The following EXOC2 variants were observed in gnomAD, a reference collection of about 807,000 sequenced individuals.
EXOC2 encodes exocyst complex component 2.
EXOC2 carries 70 observed loss-of-function variants against 131.8 expected under a neutral mutation model. The observed-to-expected ratio is 0.53, with a 90% CI of 0.44 to 0.65. The LOEUF (loss-of-function observed/expected upper bound fraction) is 0.65. EXOC2 is among the 30% of genes least tolerant of loss of function. The pLI, the probability that EXOC2 is intolerant of heterozygous loss-of-function variation, is 0.00. For missense variants in EXOC2, 923 were observed against 1,108.6 expected, an observed-to-expected ratio of 0.83 and a Z score of 2.38; for synonymous variants, 411 against 398.4, an observed-to-expected ratio of 1.03 and a Z score of -0.38.
intron 1 of EXOC2, among the ~76,000 whole-genome samples, chr6:677,934 TCA>T (rs1554150218): frequency 0.018 from 2,717 of 147,256 alleles, 39 homozygotes; most frequent in African/African-American, 0.034. Context: ...TTATAATCTC[TCA>T]CACACACACA....
intron 1 of EXOC2, among the ~76,000 whole-genome samples, chr6:682,552 C>A (rs1429189030): frequency 6.6e-6 from 1 of 152,068 alleles, no homozygotes; most frequent in Non-Finnish European, 1.5e-5. Flanking sequence ...TAACTATAAC[C>A]ATCATTTATC....
intron 12 of EXOC2, 122 bp downstream of exon 12, chr6:576,635 G>GA (rs1232746409): frequency 9.0e-7 from 1 of 1,110,756 alleles, no homozygotes; most frequent in Non-Finnish European, 1.3e-6. Context: ...CAAAAGCGAT[G>GA]ATGGCTGATA....
At chr6:495,023 C>T (rs929654565) in intron 25 of EXOC2, among the ~76,000 whole-genome samples, 4 of 151,410 alleles carry the variant, frequency 2.6e-5, no homozygotes, top group Admixed American at 2.0e-4. Flanking sequence ...GGACCACAGG[C>T]ACACAGCACC....
At chr6:522,123 T>C (rs1192152212) in intron 23 of EXOC2, among the ~76,000 whole-genome samples, 2 of 152,212 alleles carry the variant, frequency 1.3e-5, no homozygotes, top group Admixed American at 1.3e-4. Context: ...TGGCTAATCA[T>C]GGATACAGAG....
At chr6:516,408 C>A (rs910580302) in intron 23 of EXOC2, among the ~76,000 whole-genome samples, 1 of 152,224 alleles carries the variant, frequency 6.6e-6, no homozygotes, top group Non-Finnish European at 1.5e-5. Flanking sequence ...GCTCGTCTAG[C>A]TCCATCACTG....
At position 497,403 on chromosome 6, in the gene EXOC2, C is replaced by G. The variant is rs773997344; in HGVS notation, c.2523G>C (p.Gln841His). Reference protein sequence around the residue: ...AVSEELSRLMQCVSSFSKNGA... With the variant: ...AVSEELSRLMHCVSSFSKNGA... Reference sequence around the variant, plus strand: ...CATTTTTGCTGAAGGATGAAACACACTGCATCAGTCGACTGAGCTCTTCAG... The same window carrying G: ...CATTTTTGCTGAAGGATGAAACACAGTGCATCAGTCGACTGAGCTCTTCAG... Residue 841 changes from glutamine to histidine, a missense_variant, in exon 25 of 28, where the codon CAG becomes CAC. By Grantham distance (24) the Gln-to-His change is conservative. Coordinates refer to ENST00000230449, the MANE Select transcript of EXOC2 (RefSeq NM_018303.6). 6.2e-7 allele frequency: 1 copy of G among 1,614,054 alleles called. No homozygotes were observed. The highest frequency in any genetic ancestry group is 8.5e-7 in the Non-Finnish European group (1 of 1,179,970).
rs1761174074 is a variant in EXOC2 at position 619,453 on chromosome 6, A to G, written c.513T>C (p.Leu171=). Residue 171 remains leucine, a synonymous_variant, in exon 5 of 28, where the codon CTT becomes CTC. Transcript: ENST00000230449. The part of the protein sequence containing the change: ...TSENFSAAWY[L]IENHSNTSFE... ...ACCTGGTGTTTGAGTGATTCTCTAT[A>G]AGATACCAGGCTGCTGAGAAATTCT... 6.2e-7 allele frequency: 1 copy of G among 1,613,926 alleles called. No individual in the cohort carries two copies. Among genetic ancestry groups the G allele is most frequent in the African/African-American group, 1.3e-5 (1 of 75,060 alleles).
chr6:545,831 G>T (rs76166462), intron 22 of EXOC2, among the ~76,000 whole-genome samples: 1 of 151,890 alleles, frequency 6.6e-6, no homozygotes, highest in African/African-American at 2.4e-5. Context: ...GTATGGGAGA[G>T]GTTAAAAATA....
intron 1 of EXOC2, among the ~76,000 whole-genome samples, chr6:687,177 T>TTC (rs1764699242): frequency 8.5e-6 from 1 of 118,250 alleles, no homozygotes; most frequent in Non-Finnish European, 1.8e-5. Flanking sequence ...TATTCTTTTT[T>TTC]TTTTTTTTTT....
chr6:588,820 C>T (rs1020434040), intron 11 of EXOC2, among the ~76,000 whole-genome samples: 2 of 151,486 alleles, frequency 1.3e-5, no homozygotes, highest in African/African-American at 4.8e-5. Context: ...TTTTCCAAAA[C>T]ACTGATTTTA....
At chr6:529,120 C>A (rs6938144) in intron 23 of EXOC2, among the ~76,000 whole-genome samples, 27,001 of 148,638 alleles carry the variant, frequency 0.18, 3,311 homozygotes, top group East Asian at 0.48. Context: ...CCTTTTACCC[C>A]CCCCCGCGCC....
chr6:498,502 A>C (rs899050143), intron 24 of EXOC2, among the ~76,000 whole-genome samples: 2 of 152,218 alleles, frequency 1.3e-5, no homozygotes, highest in Non-Finnish European at 2.9e-5. Flanking sequence ...TCCTTATAAA[A>C]AGATCTATGT....
chr6:503,140 G>A (rs1041004043), intron 23 of EXOC2, among the ~76,000 whole-genome samples: 20 of 151,440 alleles, frequency 1.3e-4, no homozygotes, highest in Admixed American at 5.3e-4. Flanking sequence ...AAAGCTAATC[G>A]CTGAATTAAA....
At chr6:499,743 CA>C in intron 23 of EXOC2, 43 bp from the exon 24 acceptor site, 1 of 1,534,872 alleles carries the variant, frequency 6.5e-7, no homozygotes, top group Non-Finnish European at 9.0e-7. Flanking sequence ...TTAATAATAA[CA>C]CAAGCTCCCC....
chr6:581,170 C>A (rs1248424556), intron 11 of EXOC2, among the ~76,000 whole-genome samples: 3 of 152,028 alleles, frequency 2.0e-5, no homozygotes, highest in Admixed American at 6.6e-5. Flanking sequence ...GTGGCACATG[C>A]CTGTAGTCCC....
intron 22 of EXOC2, among the ~76,000 whole-genome samples, chr6:545,004 G>A (rs902321794): frequency 6.6e-5 from 10 of 151,540 alleles, no homozygotes; most frequent in African/African-American, 1.7e-4. Flanking sequence ...AAAATTAGCC[G>A]GGCGCAGTGG....
rs531113056 is a variant in EXOC2 at position 608,611 on chromosome 6, C to T, written c.742+1487G>A. 6.3e-4 allele frequency among the ~76,000 whole-genome samples: 96 copies of T among 152,158 alleles called. 2 individuals are homozygous for T. Among genetic ancestry groups the T allele is most frequent in the Middle Eastern group, 6.8e-3 (2 of 292 alleles). ...TGGAAAAAGGCAATTTTTAATACCC[C>T]AAGTCCCAAGGGACGATTTCTCAAA... is the stretch of plus-strand genomic sequence containing the variant. On this transcript the variant is annotated intron_variant, in intron 7 of 27. Coordinates refer to ENST00000230449, the MANE Select transcript of EXOC2 (RefSeq NM_018303.6).
At chr6:642,561 C>T (rs9378990) in intron 1 of EXOC2, among the ~76,000 whole-genome samples, 107,745 of 152,000 alleles carry the variant, frequency 0.71, 38,820 homozygotes, top group Middle Eastern at 0.88. Context: ...AAATGGACCC[C>T]AAGATGAACC....
At chr6:524,642 A>G (rs1360111623) in intron 23 of EXOC2, among the ~76,000 whole-genome samples, 1 of 152,198 alleles carries the variant, frequency 6.6e-6, no homozygotes. Context: ...GTTTGTATAA[A>G]ATTGGTATTA....
Sources: allele counts gnomAD v4.1 joint callset (sites outside exome capture counted in the v4.1 genomes callset), GRCh38; gene constraint gnomAD v4.1.1; transcripts MANE v1.5; gene names NCBI Gene and HGNC (gene_info 2026-07-23, HGNC 2026-07-21).